Variants in ROGDI observed in about 807,000 individuals in gnomAD.
The protein encoded by ROGDI is rogdi atypical leucine zipper.
Under a neutral mutation model 43.1 loss-of-function variants are expected in ROGDI, and 46 were observed. The observed-to-expected ratio is 1.07, with a 90% confidence interval of 0.84 to 1.37. The LOEUF (loss-of-function observed/expected upper bound fraction) is 1.37. Ranked by LOEUF, ROGDI falls within the 40% of genes most tolerant of loss-of-function variation. ROGDI has a pLI of 0.00. For synonymous variants in ROGDI, 243 were observed against 162.0 expected (o/e 1.50, Z -3.80); for missense variants, 518 against 383.9 (o/e 1.35, Z -2.92).
At position 4,798,169 on chromosome 16, in the gene ROGDI, C is replaced by T. The variant is rs764170154; in HGVS notation, c.547G>A (p.Ala183Thr). The change falls in exon 8 of 11, where the codon GCC becomes ACC. Residue 183 changes from alanine to threonine, a missense_variant. Transcript: ENST00000322048. ...TTGACCAGCAGGTCGGACGGCAGGGCAGGGGCGAACATCCGCTGCGGGAGG... is the reference window on the plus strand; with the variant it reads ...TTGACCAGCAGGTCGGACGGCAGGGTAGGGGCGAACATCCGCTGCGGGAGG... ...ASGLTRMFAP[A>T]LPSDLLVNVY... 2 of 1,613,734 alleles carry T rather than the reference C, an allele frequency of 1.2e-6. No homozygotes were observed. Among genetic ancestry groups the T allele is most frequent in the Admixed American group, 1.7e-5 (1 of 59,988 alleles).
At position 4,797,801 on chromosome 16, in the gene ROGDI, G is replaced by C; in HGVS notation, c.735C>G (p.His245Gln). Reference protein sequence around the residue: ...GSQRLEVSHVHKVECVIPWLN... With the variant: ...GSQRLEVSHVQKVECVIPWLN... ...GCCAGGGGATCACGCACTCCACTTT[G>C]TGCACGTGGCTCACCTCCAGGCGCT... The change falls in exon 10 of 11, where the codon CAC (histidine) becomes CAG (glutamine). Residue 245 changes from histidine to glutamine, a missense_variant. Physicochemically the swap from His to Gln is conservative, Grantham distance 24. Coordinates refer to ENST00000322048, the MANE Select transcript of ROGDI (RefSeq NM_024589.3). 1.9e-6 allele frequency: 3 copies of C among 1,613,284 alleles called. No homozygotes were observed. Among genetic ancestry groups the C allele is most frequent in the Non-Finnish European group, 2.5e-6 (3 of 1,179,978 alleles).
chr16:4,801,614 G>A lies in ROGDI; in HGVS notation c.118-29C>T, dbSNP rs201583517. ...TGGAACAGAGGGAAGGAGGGGAGCT[G>A]GTAGCGCCCACTCAGGCCCGGCCCA... is the stretch of plus-strand genomic sequence containing the variant. On this transcript the variant is annotated intron_variant, in intron 2 of 10. Coordinates refer to ENST00000322048, the MANE Select transcript of ROGDI (RefSeq NM_024589.3). 3.7e-5 allele frequency: 57 copies of A among 1,559,762 alleles called. No individual in the cohort carries two copies. In the African/African-American group the frequency reaches 5.7e-4, roughly 16 times the overall value.
Position 4,802,622 on chromosome 16 carries a change from A to T in ROGDI, c.-51T>A. The T allele has an allele frequency of 7.8e-7, 1 of 1,276,992 alleles. No individual in the cohort carries two copies. Among genetic ancestry groups the T allele is most frequent in the Non-Finnish European group, 9.9e-7 (1 of 1,007,102 alleles). The allele number at this position is 1,276,992 out of a possible 1,614,324, so 79.1% of individuals were successfully genotyped here. A position where few individuals can be genotyped will look rare whatever the true frequency, so the allele number is the denominator to read the frequency against. On this transcript the variant is annotated 5_prime_UTR_variant, in exon 1 of 11. Transcript: ENST00000322048. ...TCCCCACCGGCCGCTGCTCCTGTCC[A>T]CCAATCTTTCTGTCCTCGGTCCTCC...
chr16:4,797,647 G>A (rs1437680488), intron 10 of ROGDI, 67 bp downstream of exon 10: 6 of 1,607,682 alleles, frequency 3.7e-6, no homozygotes, highest in South Asian at 2.2e-5. Flanking sequence ...AGGTTGGGGC[G>A]CTCTGAGGGT....
chr16:4,801,479 G>T, intron 3 of ROGDI, 24 bp downstream of exon 3: 2 of 1,591,554 alleles, frequency 1.3e-6, no homozygotes, highest in Non-Finnish European at 8.6e-7. Flanking sequence ...CCATTTCCCC[G>T]GTTTCCGCCT....
chr16:4,801,476 C>A (rs1446007493), intron 3 of ROGDI, 27 bp downstream of exon 3: 7 of 1,589,672 alleles, frequency 4.4e-6, no homozygotes, highest in Non-Finnish European at 6.0e-6. Flanking sequence ...TACCCATTTC[C>A]CCGGTTTCCG....
intron 2 of ROGDI, chr16:4,801,919 G>A (rs189892170): frequency 3.7e-4 from 213 of 569,376 alleles, no homozygotes; most frequent in African/African-American, 3.6e-3. Flanking sequence ...GTAACCCGCG[G>A]TCCTGGGCCA....
chr16:4,799,764 G>A lies in ROGDI; in HGVS notation c.354C>T (p.Asn118=). The A allele has an allele frequency of 6.2e-7, 1 of 1,613,550 alleles. No homozygotes were observed. The highest frequency in any genetic ancestry group is 8.5e-7 in the Non-Finnish European group (1 of 1,179,634). The stretch of plus-strand genomic sequence containing the variant: ...GCAGGTAAATGGCTTGGCTCACATG[G>A]TTTCTGGCATCCTGGATCTGGAAGC... The part of the protein sequence containing the change: ...WKLQQIQDAR[N]HVSQAIYLLT... Residue 118 remains asparagine, a synonymous_variant, in exon 6 of 11, where the codon AAC becomes AAT. Coordinates refer to ENST00000322048, the MANE Select transcript of ROGDI (RefSeq NM_024589.3).
intron 2 of ROGDI, chr16:4,801,913 C>T (rs926124804): frequency 1.4e-5 from 8 of 562,776 alleles, no homozygotes; most frequent in Non-Finnish European, 2.0e-5. Flanking sequence ...GTTATGGTAA[C>T]CCGCGGTCCT....
chr16:4,798,574 G>A lies in ROGDI; in HGVS notation c.526C>T (p.Leu176Phe), dbSNP rs1362387884. Residue 176 changes from leucine (L) to phenylalanine (F), a missense_variant, in exon 7 of 11, where the codon CTC becomes TTC. Leu to Phe is a conservative substitution (Grantham distance 22). Transcript: ENST00000322048. ...LTLPEIAASG[L>F]TRMFAPALPS... ...GGGCTGGCAGGGGCACTGACCGTGA[G>A]GCCGCTGGCGGCGATCTCGGGGAGG... The A allele has an allele frequency of 6.4e-7, 1 of 1,556,456 alleles. No individual in the cohort carries two copies. Among genetic ancestry groups the A allele is most frequent in the South Asian group, 1.2e-5 (1 of 85,164 alleles).
intron 7 of ROGDI, 138 bp downstream of exon 7, chr16:4,798,431 C>T (rs1354644629): frequency 1.3e-6 from 1 of 768,922 alleles, no homozygotes; most frequent in Non-Finnish European, 2.0e-6. Flanking sequence ...AAGCCAAGGA[C>T]CCCATCCCAG....
At chr16:4,802,274 A>T (rs1263406783) in intron 2 of ROGDI, 108 bp downstream of exon 2, 1 of 1,036,854 alleles carries the variant, frequency 9.6e-7, no homozygotes, top group Admixed American at 2.1e-5. Flanking sequence ...AAGCCGCGGC[A>T]GCCGCACACT....
chr16:4,797,587 C>G (rs2082666132), intron 10 of ROGDI, 86 bp from the exon 11 acceptor site: 2 of 552,416 alleles, frequency 3.6e-6, no homozygotes, highest in African/African-American at 5.5e-5. Flanking sequence ...GACAATATGT[C>G]AGGACAGGGC....
intron 10 of ROGDI, 58 bp from the exon 11 acceptor site, chr16:4,797,559 A>G: frequency 6.3e-7 from 1 of 1,578,544 alleles, no homozygotes; most frequent in East Asian, 2.2e-5. Flanking sequence ...CCCAGGGGAG[A>G]TGTCAAGGTC....
Position 4,798,592 on chromosome 16 carries a change from C to G in ROGDI, c.508G>C (p.Glu170Gln), listed in dbSNP as rs575700252. The G allele has an allele frequency of 6.4e-7, 1 of 1,568,622 alleles. No homozygotes were observed. Among genetic ancestry groups the G allele is most frequent in the African/African-American group, 1.3e-5 (1 of 74,708 alleles). ...ACCGTGAGGCCGCTGGCGGCGATCT[C>G]GGGGAGGGTGAGGGTGGCGGGGGTG... The part of the protein sequence containing the change: ...LTTPATLTLP[E>Q]IAASGLTRMF... Residue 170 changes from glutamate (E) to glutamine (Q), a missense_variant, in exon 7 of 11, where the codon GAG becomes CAG. Transcript: ENST00000322048.
chr16:4,799,203 G>A lies in ROGDI; in HGVS notation c.432+483C>T, dbSNP rs547167880. ...GTGGCCATGAGTACCAGGGTGATGT[G>A]GCTCCCAGGAAACACGTAAGAGCTG... On this transcript the variant is annotated intron_variant, in intron 6 of 10. Transcript: ENST00000322048. 9.2e-5 allele frequency among the ~76,000 whole-genome samples: 14 copies of A among 152,232 alleles called. No individual in the cohort carries two copies. In the East Asian group the frequency reaches 2.5e-3, roughly 27 times the overall value.
chr16:4,802,048 G>A (rs1338265414), intron 2 of ROGDI: 4 of 598,646 alleles, frequency 6.7e-6, no homozygotes, highest in South Asian at 3.0e-5. Flanking sequence ...GGCCCAGGGA[G>A]GTTCAGTGAC....
chr16:4,801,615 G>A (rs1165507921), intron 2 of ROGDI, 30 bp from the exon 3 acceptor site: 1 of 1,558,670 alleles, frequency 6.4e-7, no homozygotes, highest in Admixed American at 1.9e-5. Context: ...AGGGGAGCTG[G>A]TAGCGCCCAC....
At chr16:4,800,952 GC>G in intron 4 of ROGDI, 1 of 506,632 alleles carries the variant, frequency 2.0e-6, no homozygotes, top group Non-Finnish European at 3.5e-6. Flanking sequence ...AGAGTCGGGT[GC>G]AGACTGGAGT....
Sources: allele counts gnomAD v4.1 joint callset (sites outside exome capture counted in the v4.1 genomes callset), GRCh38; gene constraint gnomAD v4.1.1; transcripts MANE v1.5; gene names NCBI Gene and HGNC (gene_info 2026-07-23, HGNC 2026-07-21).